DMD: variants seen among roughly 807,000 people sequenced by gnomAD.
DMD encodes mutant dystrophin.
A neutral mutation model predicts 330.1 loss-of-function variants in DMD; 63 were observed. That is an observed-to-expected ratio of 0.19 (90% CI 0.16 to 0.24). The LOEUF is 0.24. Ranked by LOEUF, DMD falls within the 10% of genes least tolerant of loss-of-function variation. The pLI is 1.00. For synonymous variants in DMD, 1,223 were observed against 959.8 expected (o/e 1.27, Z -5.07); for missense variants, 3,344 against 2,684.1 (o/e 1.25, Z -5.43).
intron 1 of DMD, among the ~76,000 whole-genome samples, chrX:33,218,700 A>T (rs147401243): frequency 0.011 from 1,181 of 111,579 alleles, 18 homozygotes; most frequent in African/African-American, 0.036. Flanking sequence ...TACTTGTTCA[A>T]CAACACCCTC....
At chrX:31,508,780 T>G (rs1219313644) in intron 55 of DMD, among the ~76,000 whole-genome samples, 1 of 101,827 alleles carries the variant, frequency 9.8e-6, no homozygotes, top group African/African-American at 4.0e-5. Flanking sequence ...ACTAGAAAAG[T>G]TTTTTTTTTC....
chrX:31,284,861 CA>C (rs1301028382), intron 62 of DMD, among the ~76,000 whole-genome samples: 55 of 105,345 alleles, frequency 5.2e-4, no homozygotes, highest in Admixed American at 1.6e-3. Context: ...CACACACACA[CA>C]CCCACACCCA....
chrX:31,329,969 CAAAAAAAAAAA>C (rs142353794), intron 61 of DMD, among the ~76,000 whole-genome samples: 669 of 12,867 alleles, frequency 0.052, 6 homozygotes, highest in Middle Eastern at 0.17. Flanking sequence ...GATTCCATCT[CAAAAAAAAAAA>C]AAAAAAAAAA....
intron 63 of DMD, among the ~76,000 whole-genome samples, chrX:31,242,252 T>C (rs1003366492): frequency 2.2e-5 from 1 of 46,283 alleles, no homozygotes; most frequent in African/African-American, 9.6e-5. Context: ...TGAGACCCTG[T>C]CTCAAAAAGC....
intron 41 of DMD, among the ~76,000 whole-genome samples, chrX:32,334,533 T>C (rs956395552): frequency 1.8e-5 from 2 of 111,725 alleles, no homozygotes; most frequent in Non-Finnish European, 3.8e-5. Flanking sequence ...TAGCAGACCA[T>C]TAAATCTAGG....
intron 29 of DMD, among the ~76,000 whole-genome samples, chrX:32,430,233 A>G (rs1380836840): frequency 9.0e-6 from 1 of 111,567 alleles, no homozygotes; most frequent in African/African-American, 3.3e-5. Context: ...TGCTAATATA[A>G]ATTTGTCTTT....
chrX:32,558,363 G>C (rs1028495566), intron 16 of DMD, among the ~76,000 whole-genome samples: 1 of 111,863 alleles, frequency 8.9e-6, no homozygotes, highest in Non-Finnish European at 1.9e-5. Flanking sequence ...TCTATAATTA[G>C]GGATGGATAT....
chrX:31,942,435 GTCTCTAC>G (rs1228691315), intron 45 of DMD, among the ~76,000 whole-genome samples: 1 of 112,064 alleles, frequency 8.9e-6, no homozygotes, highest in Non-Finnish European at 1.9e-5. Flanking sequence ...TTGTGATCTG[GTCTCTAC>G]TTCTATTTCT....
intron 1 of DMD, among the ~76,000 whole-genome samples, chrX:33,035,001 T>C (rs1472189391): frequency 1.8e-5 from 2 of 111,449 alleles, no homozygotes; most frequent in Non-Finnish European, 3.8e-5. Context: ...ACCCCTAAAA[T>C]TGTGGGCAAA....
intron 1 of DMD, among the ~76,000 whole-genome samples, chrX:33,286,515 C>G (rs747888619): frequency 8.2e-4 from 92 of 112,141 alleles, no homozygotes; most frequent in African/African-American, 2.7e-3. Flanking sequence ...TATCTCCAGG[C>G]CTGTTCTCCT....
intron 45 of DMD, among the ~76,000 whole-genome samples, chrX:31,951,155 ATATG>A (rs1557025601): frequency 2.4e-5 from 2 of 84,371 alleles, no homozygotes; most frequent in East Asian, 3.3e-4. Context: ...ATATATATAT[ATATG>A]TATATATATA....
At chrX:32,779,304 C>G (rs781273784) in intron 7 of DMD, among the ~76,000 whole-genome samples, 2 of 109,378 alleles carry the variant, frequency 1.8e-5, no homozygotes, top group Non-Finnish European at 3.8e-5. Flanking sequence ...CAATGTTGCT[C>G]GGACACACAA....
intron 44 of DMD, among the ~76,000 whole-genome samples, chrX:32,029,494 C>T (rs978542903): frequency 9.0e-6 from 1 of 111,115 alleles, no homozygotes. Flanking sequence ...GAAATAAAAA[C>T]TTGATCTAGA....
At chrX:32,158,366 C>T (rs956923167) in intron 44 of DMD, among the ~76,000 whole-genome samples, 2 of 109,338 alleles carry the variant, frequency 1.8e-5, no homozygotes, top group African/African-American at 6.7e-5. Flanking sequence ...GACCCCATCT[C>T]AAAAACAAAT....
chrX:32,534,253 T>C (rs1330824844), intron 17 of DMD, among the ~76,000 whole-genome samples: 1 of 111,742 alleles, frequency 8.9e-6, no homozygotes, highest in African/African-American at 3.3e-5. Flanking sequence ...TCTGGTATAG[T>C]TTGGATATTC....
rs112330125 is a variant in DMD, at chrX:33,062,119, A to G, written c.32-41919T>C. On this transcript the variant is annotated intron_variant, in intron 1 of 78. Coordinates refer to ENST00000357033, the MANE Select transcript of DMD (RefSeq NM_004006.3). ...ATAAATAGACGGTAAGAAAATACACATTTTCAGTATTGAATAAAGACTTTC... is the reference window on the plus strand; with the variant it reads ...ATAAATAGACGGTAAGAAAATACACGTTTTCAGTATTGAATAAAGACTTTC... Among the ~76,000 whole-genome samples, 391 of 112,025 alleles carry G rather than the reference A, an allele frequency of 3.5e-3. 11 individuals are homozygous for G. The highest frequency in any genetic ancestry group is 4.3e-3 in the Non-Finnish European group (227 of 53,237).
intron 55 of DMD, among the ~76,000 whole-genome samples, chrX:31,601,775 G>T (rs758417811): frequency 9.1e-6 from 1 of 109,334 alleles, no homozygotes; most frequent in Admixed American, 9.7e-5. Context: ...TATATATTTC[G>T]TTAGTGACAT....
At chrX:33,177,047 T>A (rs1569557396) in intron 1 of DMD, among the ~76,000 whole-genome samples, 1 of 112,346 alleles carries the variant, frequency 8.9e-6, no homozygotes, top group Non-Finnish European at 1.9e-5. Flanking sequence ...GAGACCAATT[T>A]CCACATGATC....
At chrX:32,722,928 G>A (rs897987388) in intron 7 of DMD, among the ~76,000 whole-genome samples, 2 of 109,094 alleles carry the variant, frequency 1.8e-5, no homozygotes, top group African/African-American at 6.8e-5. Context: ...TATTAATTTT[G>A]TCTCACTGCT....
Sources: allele counts gnomAD v4.1 joint callset (sites outside exome capture counted in the v4.1 genomes callset), GRCh38; gene constraint gnomAD v4.1.1; transcripts MANE v1.5; gene names NCBI Gene and HGNC (gene_info 2026-07-23, HGNC 2026-07-21).